KCNK17: variants seen among roughly 807,000 people sequenced by gnomAD.
KCNK17 encodes the protein potassium channel subfamily K member 17.
A neutral mutation model predicts 24.6 loss-of-function variants in KCNK17; 27 were observed. The observed-to-expected ratio is 1.10, with a 90% confidence interval of 0.81 to 1.51. The LOEUF is 1.51. Ranked by LOEUF, KCNK17 falls within the 40% of genes most tolerant of loss-of-function variation. The pLI, the probability that KCNK17 is intolerant of heterozygous loss-of-function variation, is 0.00. For synonymous variants in KCNK17, 181 were observed against 189.8 expected (o/e 0.95, Z 0.38); for missense variants, 450 against 436.6 (o/e 1.03, Z -0.27).
chr6:39,310,885 G>GC lies in KCNK17; in HGVS notation c.352+7dup. 6.3e-7 allele frequency: 1 copy of GC among 1,576,328 alleles called. No homozygotes were observed. The highest frequency in any genetic ancestry group is 2.3e-5 in the East Asian group (1 of 44,196). ...ACCCCCATCCCCCTGGCCCCATCTG[G>GC]CCCTTACCAATGGTGGTGATGGTGG... On this transcript the variant is annotated splice_region_variant and intron_variant, in intron 2 of 4. Coordinates refer to ENST00000373231, the MANE Select transcript of KCNK17 (RefSeq NM_031460.4).
rs536415573 is a variant in KCNK17 at position 39,314,386 on chromosome 6, G to A, written c.-66C>T. 8.5e-7 allele frequency: 1 copy of A among 1,176,862 alleles called. No homozygotes were observed. Among genetic ancestry groups the A allele is most frequent in the South Asian group, 1.8e-5 (1 of 56,406 alleles). The allele number at this position is 1,176,862 out of a possible 1,614,324, so 72.9% of individuals were successfully genotyped here. A position where few individuals can be genotyped will look rare whatever the true frequency, so the allele number is the denominator to read the frequency against. ...AGGACCCGGTGGGAGGGAAGGGCCA[G>A]GCGTCCAGCTCGTATCTCCTCTCGC... On this transcript the variant is annotated 5_prime_UTR_variant, in exon 1 of 5. Transcript: ENST00000373231.
rs779520585 is a variant in KCNK17, at chr6:39,299,461, G to C, written c.965C>G (p.Ser322Cys). The change falls in exon 5 of 5, where the codon TCT becomes TGT. Residue 322 changes from serine to cysteine, a missense_variant. By Grantham distance (112) the Ser-to-Cys change is moderately radical. Transcript: ENST00000373231. ...CTTGCCACAGCCTGCAGCGTGAGCA[G>C]AAGGTTCCAGATGCTGTATGATTCC... ...PMGIIQHLEP[S>C]AHAAGCGKDS 2.5e-6 allele frequency: 4 copies of C among 1,614,092 alleles called. No individual in the cohort carries two copies. The Admixed American group carries it at 6.7e-5, about 27-fold the overall frequency.
chr6:39,299,547 T>C lies in KCNK17; in HGVS notation c.879A>G (p.Gly293=). Residue 293 remains glycine, a synonymous_variant, in exon 5 of 5, where the codon GGA becomes GGG. Transcript: ENST00000373231. ...EDFKSQSWRQ[G]PDREPESHSP... ...AGTGGGACTCTGGCTCCCGGTCAGG[T>C]CCCTGTCTCCAGCTTTGGGACTTGA... 4 of 1,614,132 alleles carry C rather than the reference T, an allele frequency of 2.5e-6. No individual in the cohort carries two copies. Among genetic ancestry groups the C allele is most frequent in the Non-Finnish European group, 3.4e-6 (4 of 1,180,010 alleles).
chr6:39,310,523 C>T lies in KCNK17; in HGVS notation c.352+370G>A, dbSNP rs12196391. 5.0e-3 allele frequency among the ~76,000 whole-genome samples: 765 copies of T among 152,226 alleles called. 7 individuals are homozygous for T. The highest frequency in any genetic ancestry group is 0.017 in the African/African-American group (724 of 41,526). On this transcript the variant is annotated intron_variant, in intron 2 of 4. Coordinates refer to ENST00000373231, the MANE Select transcript of KCNK17 (RefSeq NM_031460.4). ...CTTCTCCCGACCACCACTCCCGGGG[C>T]TCAGTGTTGGGTGGGCTCAGCTGAG... is the stretch of plus-strand genomic sequence containing the variant.
In KCNK17 at chr6:39,304,049, AGCAGC is replaced by A. The variant is rs755378205; in HGVS notation, c.591_595del (p.Phe200ProfsTer81). 1 of 1,613,764 alleles carries A rather than the reference AGCAGC, an allele frequency of 6.2e-7. No homozygotes were observed. The highest frequency in any genetic ancestry group is 2.2e-5 in the East Asian group (1 of 44,884). The stretch of plus-strand genomic sequence containing the variant: ...GCTCCAGCCCTCCATGTGGGAGAAG[AGCAGC>A]GGTGGCAGCAGCAGGAAGAGCAGGA... On this transcript the variant is annotated frameshift_variant, in exon 4 of 5. Coordinates refer to ENST00000373231, the MANE Select transcript of KCNK17 (RefSeq NM_031460.4). LOFTEE classifies it high-confidence loss of function.
At chr6:39,300,820 A>AT (rs1180949504) in intron 4 of KCNK17, among the ~76,000 whole-genome samples, 4 of 151,676 alleles carry the variant, frequency 2.6e-5, no homozygotes, top group Non-Finnish European at 4.4e-5. Context: ...TTCATTTTCC[A>AT]TTTTTCTTGG....
chr6:39,314,411 CA>C lies in KCNK17; in HGVS notation c.-92del. ...GGCGTCCAGCTCGTATCTCCTCTCG[CA>C]AACGCCTGCTGGTGCCCGGTTTCGC... On this transcript the variant is annotated 5_prime_UTR_variant, in exon 1 of 5. Transcript: ENST00000373231. The C allele has an allele frequency of 1.1e-6, 1 of 941,682 alleles. No homozygotes were observed. Among genetic ancestry groups the C allele is most frequent in the Non-Finnish European group, 1.5e-6 (1 of 671,010 alleles). The allele number at this position is 941,682 out of a possible 1,614,324, so 58.3% of individuals were successfully genotyped here. A position where few individuals can be genotyped will look rare whatever the true frequency, so the allele number is the denominator to read the frequency against.
intron 3 of KCNK17, 99 bp downstream of exon 3, chr6:39,304,396 A>G: frequency 8.9e-7 from 1 of 1,125,024 alleles, no homozygotes; most frequent in East Asian, 2.4e-5. Flanking sequence ...CTCACCAGTA[A>G]CACTTGCTCC....
rs75404916 is a variant in KCNK17, at chr6:39,303,127, G to A, written c.688+830C>T. Among the ~76,000 whole-genome samples, 77 of 152,338 alleles carry A rather than the reference G, an allele frequency of 5.1e-4. 2 individuals carry two copies. In the South Asian group the frequency reaches 0.01, roughly 21 times the overall value. On this transcript the variant is annotated intron_variant, in intron 4 of 4. Coordinates refer to ENST00000373231, the MANE Select transcript of KCNK17 (RefSeq NM_031460.4). Reference sequence around the variant, plus strand: ...TGACAATTGTTGCTGTAGGTTGCCTGAGGAGTTAGCTGAAACTAACTTCAT... The same window carrying A: ...TGACAATTGTTGCTGTAGGTTGCCTAAGGAGTTAGCTGAAACTAACTTCAT...
intron 4 of KCNK17, chr6:39,300,544 A>G: frequency 1.3e-6 from 2 of 1,550,046 alleles, no homozygotes; most frequent in Non-Finnish European, 8.7e-7. Context: ...GGGATTTGGG[A>G]TGAACAATGG....
chr6:39,314,368 G>A lies in KCNK17; in HGVS notation c.-48C>T. On this transcript the variant is annotated 5_prime_UTR_variant, in exon 1 of 5. Coordinates refer to ENST00000373231, the MANE Select transcript of KCNK17 (RefSeq NM_031460.4). ...CGCCGGGAGCGGTGGACTAGGACCC[G>A]GTGGGAGGGAAGGGCCAGGCGTCCA... 3 of 1,300,582 alleles carry A rather than the reference G, an allele frequency of 2.3e-6. No individual in the cohort carries two copies. Among genetic ancestry groups the A allele is most frequent in the Non-Finnish European group, 2.0e-6 (2 of 997,836 alleles). 80.6% of individuals were successfully genotyped at this position (1,300,582 alleles called of 1,614,324 possible).
chr6:39,310,630 C>T (rs576575925), intron 2 of KCNK17, among the ~76,000 whole-genome samples: 1 of 152,270 alleles, frequency 6.6e-6, no homozygotes, highest in East Asian at 1.9e-4. Context: ...CCATGTGGGG[C>T]AGAAGTCCCC....
intron 1 of KCNK17, among the ~76,000 whole-genome samples, chr6:39,313,230 G>A (rs1189198918): frequency 1.3e-5 from 2 of 152,160 alleles, no homozygotes; most frequent in African/African-American, 4.8e-5. Flanking sequence ...ACCCTCCCCG[G>A]CCTCCTCCGC....
At chr6:39,300,687 G>A (rs907695718) in intron 4 of KCNK17, among the ~76,000 whole-genome samples, 3 of 152,086 alleles carry the variant, frequency 2.0e-5, no homozygotes, top group Non-Finnish European at 2.9e-5. Context: ...CCCTCTGCCC[G>A]CTTCTGCAGC....
chr6:39,304,030 G>GC lies in KCNK17; in HGVS notation c.614dup (p.Trp206LeufsTer77). 1.2e-6 allele frequency: 2 copies of GC among 1,613,934 alleles called. No homozygotes were observed. Among genetic ancestry groups the GC allele is most frequent in the Non-Finnish European group, 1.7e-6 (2 of 1,180,002 alleles). ...AGTAGAAGCCCTCTGTGTAGCTCCAGCCCTCCATGTGGGAGAAGAGCAGCG... is the reference window on the plus strand; with the variant it reads ...AGTAGAAGCCCTCTGTGTAGCTCCAGCCCCTCCATGTGGGAGAAGAGCAGCG... On this transcript the variant is annotated frameshift_variant, in exon 4 of 5. Coordinates refer to ENST00000373231, the MANE Select transcript of KCNK17 (RefSeq NM_031460.4). LOFTEE classifies it high-confidence loss of function.
intron 4 of KCNK17, among the ~76,000 whole-genome samples, chr6:39,302,489 C>A (rs1761964578): frequency 6.6e-6 from 1 of 152,142 alleles, no homozygotes; most frequent in Non-Finnish European, 1.5e-5. Context: ...TAAGAGCCAA[C>A]AGGGGACAAG....
At chr6:39,310,051 G>A (rs1762106667) in intron 2 of KCNK17, among the ~76,000 whole-genome samples, 1 of 152,218 alleles carries the variant, frequency 6.6e-6, no homozygotes, top group Non-Finnish European at 1.5e-5. Flanking sequence ...CTGGTGTCCT[G>A]GAGAGAGGAT....
At chr6:39,300,437 T>C in intron 4 of KCNK17, 1 of 1,519,142 alleles carries the variant, frequency 6.6e-7, no homozygotes, top group Non-Finnish European at 8.9e-7. Context: ...AATCTGTATT[T>C]TAACAAGCCC....
Position 39,304,095 on chromosome 6 carries a change from C to T in KCNK17, c.550G>A (p.Ala184Thr), listed in dbSNP as rs139946741. Residue 184 changes from alanine to threonine, a missense_variant, in exon 4 of 5, where the codon GCC (alanine) becomes ACC (threonine). Ala to Thr is a moderately conservative substitution (Grantham distance 58, BLOSUM62 0). Transcript: ENST00000373231. Reference sequence around the variant, plus strand: ...AAGAGCAGGAGGCCCGAGAGGAGGGCGCCAGAGCCCGCCAGCCACCGCGCC... The same window carrying T: ...AAGAGCAGGAGGCCCGAGAGGAGGGTGCCAGAGCCCGCCAGCCACCGCGCC... ...DKARWLAGSG[A>T]LLSGLLLFLL... is the part of the protein sequence containing the mutation. The T allele has an allele frequency of 1.3e-5, 21 of 1,610,970 alleles. No homozygotes were observed. Among genetic ancestry groups the T allele is most frequent in the East Asian group, 1.1e-4 (5 of 44,880 alleles).
Sources: allele counts gnomAD v4.1 joint callset (sites outside exome capture counted in the v4.1 genomes callset), GRCh38; gene constraint gnomAD v4.1.1; transcripts MANE v1.5; gene names NCBI Gene and HGNC (gene_info 2026-07-23, HGNC 2026-07-21).